The following DHRS7B variants were observed in gnomAD, a reference collection of about 807,000 sequenced individuals.
The protein encoded by DHRS7B is peroxisomal reductase activating PPAR-gamma.
Under a neutral mutation model 26.4 loss-of-function variants are expected in DHRS7B, and 24 were observed. The ratio of observed to expected loss-of-function variants is 0.91; its 90% CI spans 0.66 to 1.28. The LOEUF is 1.28. Among genes scored for constraint, DHRS7B ranks in the 50% most tolerant of loss-of-function variants. DHRS7B has a pLI of 0.00. For missense variants in DHRS7B, 368 were observed against 419.4 expected (o/e 0.88, Z 1.07); for synonymous variants, 142 against 166.4 (o/e 0.85, Z 1.13).
At chr17:21,129,720 A>AAAAAG (rs1973188488) in intron 1 of DHRS7B, among the ~76,000 whole-genome samples, 1 of 144,930 alleles carries the variant, frequency 6.9e-6, no homozygotes, top group Admixed American at 6.7e-5. Flanking sequence ...AAAAAAAAAA[A>AAAAAG]AAAAGAAAAA....
At chr17:21,150,631 A>T (rs958232960) in intron 1 of DHRS7B, among the ~76,000 whole-genome samples, 21 of 152,344 alleles carry the variant, frequency 1.4e-4, no homozygotes, top group Non-Finnish European at 1.6e-4. Flanking sequence ...AAAAGCATTT[A>T]TTCATGAAAA....
intron 1 of DHRS7B, among the ~76,000 whole-genome samples, chr17:21,130,940 C>T (rs1467639800): frequency 6.6e-6 from 1 of 152,154 alleles, no homozygotes; most frequent in African/African-American, 2.4e-5. Context: ...TCTTGCCACC[C>T]ACCCAGATAG....
At chr17:21,132,644 T>C (rs1005496596) in intron 1 of DHRS7B, among the ~76,000 whole-genome samples, 2 of 151,914 alleles carry the variant, frequency 1.3e-5, no homozygotes, top group African/African-American at 4.8e-5. Flanking sequence ...TATGACTGGC[T>C]GAAACTGGGC....
intron 1 of DHRS7B, among the ~76,000 whole-genome samples, chr17:21,150,118 A>AAC (rs1555537200): frequency 7.4e-6 from 1 of 134,788 alleles, no homozygotes; most frequent in East Asian, 2.2e-4. Flanking sequence ...AAAAAAAAAA[A>AAC]AAAAAAAAAA....
At chr17:21,155,634 C>A (rs1973863561) in intron 1 of DHRS7B, among the ~76,000 whole-genome samples, 1 of 152,196 alleles carries the variant, frequency 6.6e-6, no homozygotes, top group Admixed American at 6.5e-5. Flanking sequence ...ATATAGTTAA[C>A]ATGTATAAAC....
At chr17:21,182,910 T>TA (rs1463684246) in intron 3 of DHRS7B, among the ~76,000 whole-genome samples, 1 of 152,244 alleles carries the variant, frequency 6.6e-6, no homozygotes, top group Non-Finnish European at 1.5e-5. Context: ...CAGACTGAAT[T>TA]AGGAAATGTT....
At chr17:21,132,796 A>C (rs1973267902) in intron 1 of DHRS7B, among the ~76,000 whole-genome samples, 1 of 152,222 alleles carries the variant, frequency 6.6e-6, no homozygotes, top group African/African-American at 2.4e-5. Context: ...CTTTAGGCTA[A>C]ACTTCTTATA....
chr17:21,146,382 C>T (rs903195757), intron 1 of DHRS7B, among the ~76,000 whole-genome samples: 45 of 152,226 alleles, frequency 3.0e-4, no homozygotes, highest in African/African-American at 1.0e-3. Context: ...GCCTGGGTGA[C>T]GGAGTGAGAC....
At chr17:21,127,017 C>T (rs757812575) in intron 1 of DHRS7B, 26 bp downstream of exon 1, 2 of 1,513,082 alleles carry the variant, frequency 1.3e-6, no homozygotes, top group Non-Finnish European at 1.8e-6. Flanking sequence ...GAAGGAACCT[C>T]CGAGATGAGG....
intron 1 of DHRS7B, chr17:21,127,780 A>G (rs1195527709): frequency 6.6e-6 from 1 of 152,208 alleles, no homozygotes. Flanking sequence ...AGAATCGTGA[A>G]GTTACTTTTG....
intron 1 of DHRS7B, chr17:21,168,809 A>G: frequency 1.0e-6 from 1 of 985,472 alleles, no homozygotes; most frequent in African/African-American, 1.7e-5. Flanking sequence ...TGCCTCAGGC[A>G]AAGTGGTCTC....
intron 2 of DHRS7B, among the ~76,000 whole-genome samples, chr17:21,175,529 C>G (rs1974356905): frequency 6.6e-6 from 1 of 152,234 alleles, no homozygotes; most frequent in Non-Finnish European, 1.5e-5. Flanking sequence ...GGAACCAAGT[C>G]AGTGGCTCAC....
chr17:21,157,731 G>A (rs181943533), intron 1 of DHRS7B, among the ~76,000 whole-genome samples: 66 of 152,136 alleles, frequency 4.3e-4, no homozygotes, highest in African/African-American at 1.5e-3. Context: ...GCTGGAGGTG[G>A]TGGCTCATTC....
chr17:21,172,849 A>G (rs1974291483), intron 2 of DHRS7B, among the ~76,000 whole-genome samples: 1 of 152,170 alleles, frequency 6.6e-6, no homozygotes, highest in South Asian at 2.1e-4. Context: ...GAGTGTCAAA[A>G]CCTGGGTTCC....
At position 21,141,619 on chromosome 17, in the gene DHRS7B, C is replaced by CAAAAAAAA. The variant is rs71357469; in HGVS notation, c.20+14642_20+14649dup. Reference sequence around the variant, plus strand: ...AGACTGGTTTCTACCAGCAAGAAAGCAAAAAAAAAAAAAAAAAAAAACAAC... The same window carrying CAAAAAAAA: ...AGACTGGTTTCTACCAGCAAGAAAGCAAAAAAAAAAAAAAAAAAAAAAAAAAAAACAAC... On this transcript the variant is annotated intron_variant, in intron 1 of 6. Coordinates refer to ENST00000395511, the MANE Select transcript of DHRS7B (RefSeq NM_015510.5). Among the ~76,000 whole-genome samples the CAAAAAAAA allele has an allele frequency of 8.4e-3, 119 of 14,166 alleles. 4 individuals are homozygous for CAAAAAAAA. The highest frequency in any genetic ancestry group is 0.02 in the South Asian group (4 of 204). The allele number at this position is 14,166 out of a possible 152,430, so 9.3% of individuals were successfully genotyped here.
At chr17:21,185,201 C>G (rs576285841) in intron 5 of DHRS7B, among the ~76,000 whole-genome samples, 1 of 152,344 alleles carries the variant, frequency 6.6e-6, no homozygotes, top group South Asian at 2.1e-4. Flanking sequence ...CCTTTCTTTG[C>G]ATCATCTCCC....
rs192525495 is a variant in DHRS7B, at chr17:21,176,102, C to T, written c.200-2131C>T. On this transcript the variant is annotated intron_variant, in intron 2 of 6. Transcript: ENST00000395511. ...ACTTCCCAGGCTCAAGGGATCCTCC[C>T]ACCTTAGCCTCCTGAGTAGCTGGGA... Among the ~76,000 whole-genome samples, 784 of 152,116 alleles carry T rather than the reference C, an allele frequency of 5.2e-3. 8 individuals are homozygous for T. Among genetic ancestry groups the T allele is most frequent in the African/African-American group, 0.018 (733 of 41,544 alleles).
intron 2 of DHRS7B, among the ~76,000 whole-genome samples, chr17:21,174,126 C>G (rs922639893): frequency 6.6e-6 from 1 of 152,230 alleles, no homozygotes; most frequent in African/African-American, 2.4e-5. Context: ...ATGTCAAGTA[C>G]AGCCACTGTT....
Position 21,184,352 on chromosome 17 carries a change from C to T in DHRS7B, c.527-19C>T. 2 of 1,604,738 alleles carry T rather than the reference C, an allele frequency of 1.2e-6. No individual in the cohort carries two copies. The highest frequency in any genetic ancestry group is 1.7e-6 in the Non-Finnish European group (2 of 1,176,802). ...ACTGGAAGTAGGGCGCTTGCCTAAG[C>T]CTCTGCATCTGTCCTCAGCACTCCT... On this transcript the variant is annotated intron_variant, in intron 4 of 6. Transcript: ENST00000395511.
Sources: allele counts gnomAD v4.1 joint callset (sites outside exome capture counted in the v4.1 genomes callset), GRCh38; gene constraint gnomAD v4.1.1; transcripts MANE v1.5; gene names NCBI Gene and HGNC (gene_info 2026-07-23, HGNC 2026-07-21).